SLC24A3: variants seen among roughly 807,000 people sequenced by gnomAD.
SLC24A3 encodes the protein solute carrier family 24 member 3.
A neutral mutation model predicts 75.8 loss-of-function variants in SLC24A3; 28 were observed. That is an observed-to-expected ratio of 0.37 (90% CI 0.27 to 0.51). SLC24A3 has a LOEUF of 0.51. Among genes scored for constraint, SLC24A3 ranks in the 20% least tolerant of loss-of-function variants. The pLI is 0.94. For synonymous variants in SLC24A3, 372 were observed against 334.1 expected, an observed-to-expected ratio of 1.11 and a Z score of -1.24; for missense variants, 663 against 847.8, an observed-to-expected ratio of 0.78 and a Z score of 2.71.
chr20:19,370,583 C>CCTTGTTT (rs1283376897), intron 2 of SLC24A3, among the ~76,000 whole-genome samples: 1 of 152,228 alleles, frequency 6.6e-6, no homozygotes, highest in African/African-American at 2.4e-5. Context: ...TGGCTCCCTG[C>CCTTGTTT]CTTGTTTTGA....
intron 2 of SLC24A3, among the ~76,000 whole-genome samples, chr20:19,514,687 G>A (rs763066027): frequency 1.3e-5 from 2 of 152,202 alleles, no homozygotes; most frequent in South Asian, 2.1e-4. Flanking sequence ...TTTATGAGAG[G>A]AAGGGACAGG....
At chr20:19,409,283 G>T (rs1034164991) in intron 2 of SLC24A3, among the ~76,000 whole-genome samples, 1 of 152,192 alleles carries the variant, frequency 6.6e-6, no homozygotes, top group African/African-American at 2.4e-5. Flanking sequence ...GGACCTCTGT[G>T]CATGGGCGAG....
intron 6 of SLC24A3, among the ~76,000 whole-genome samples, chr20:19,590,913 G>A (rs928377757): frequency 2.0e-5 from 3 of 152,186 alleles, no homozygotes; most frequent in Non-Finnish European, 4.4e-5. Context: ...ATGAGAGGCA[G>A]CCTCCAGCAG....
chr20:19,479,708 T>A (rs569016353), intron 2 of SLC24A3, among the ~76,000 whole-genome samples: 1 of 152,300 alleles, frequency 6.6e-6, no homozygotes, highest in East Asian at 1.9e-4. Context: ...GGCTGTGGGT[T>A]TTACCCTCCA....
At chr20:19,510,063 C>T (rs1375809889) in intron 2 of SLC24A3, among the ~76,000 whole-genome samples, 3 of 152,198 alleles carry the variant, frequency 2.0e-5, no homozygotes, top group South Asian at 2.1e-4. Context: ...ATAGCACGCA[C>T]GTAGGAGCTG....
At chr20:19,278,025 C>T (rs902205587) in intron 1 of SLC24A3, among the ~76,000 whole-genome samples, 5 of 151,900 alleles carry the variant, frequency 3.3e-5, no homozygotes, top group East Asian at 1.9e-4. Flanking sequence ...CCGTGGTGCT[C>T]GACCGATATT....
At chr20:19,651,855 C>T (rs1482538886) in intron 6 of SLC24A3, among the ~76,000 whole-genome samples, 1 of 113,122 alleles carries the variant, frequency 8.8e-6, no homozygotes, top group African/African-American at 3.5e-5. Flanking sequence ...AGAGAGACTC[C>T]ATCTCAAAAA....
intron 6 of SLC24A3, among the ~76,000 whole-genome samples, chr20:19,607,129 G>T (rs2031607560): frequency 6.6e-6 from 1 of 152,112 alleles, no homozygotes; most frequent in South Asian, 2.1e-4. Flanking sequence ...TCCTTCTCCT[G>T]CCCTGATCCC....
rs537888944 is a variant in SLC24A3 at position 19,585,202 on chromosome 20, T to C, written c.508+147T>C. The C allele has an allele frequency of 2.2e-5, 17 of 780,776 alleles. No homozygotes were observed. The African/African-American group carries it at 3.0e-4, about 14-fold the overall frequency. 48.4% of individuals were successfully genotyped at this position (780,776 alleles called of 1,614,324 possible). ...CAATGAGTAGAACATCAGCCTCCCA[T>C]CTGCCGTTGTTGTTTTATTTAAGTG... On this transcript the variant is annotated intron_variant, in intron 5 of 16. Coordinates refer to ENST00000328041, the MANE Select transcript of SLC24A3 (RefSeq NM_020689.4).
chr20:19,341,675 C>T (rs1985275935), intron 2 of SLC24A3, among the ~76,000 whole-genome samples: 1 of 152,220 alleles, frequency 6.6e-6, no homozygotes, highest in Non-Finnish European at 1.5e-5. Context: ...TGGCATTAAA[C>T]AGAGACTTGC....
At chr20:19,712,546 G>C (rs2122169031) in intron 15 of SLC24A3, among the ~76,000 whole-genome samples, 1 of 152,268 alleles carries the variant, frequency 6.6e-6, no homozygotes, top group African/African-American at 2.4e-5. Context: ...GGGCACAGGA[G>C]TGTGCTTAAG....
At chr20:19,425,664 A>C (rs1456205798) in intron 2 of SLC24A3, among the ~76,000 whole-genome samples, 1 of 152,170 alleles carries the variant, frequency 6.6e-6, no homozygotes, top group Non-Finnish European at 1.5e-5. Flanking sequence ...TTCATAATTA[A>C]GGGAGATTTT....
At chr20:19,500,819 G>T (rs1203346037) in intron 2 of SLC24A3, among the ~76,000 whole-genome samples, 2 of 152,186 alleles carry the variant, frequency 1.3e-5, no homozygotes, top group African/African-American at 2.4e-5. Flanking sequence ...GTCTGGGAAG[G>T]CTGGAGAGGA....
At chr20:19,401,757 G>T (rs969400047) in intron 2 of SLC24A3, among the ~76,000 whole-genome samples, 7 of 152,158 alleles carry the variant, frequency 4.6e-5, no homozygotes, top group Non-Finnish European at 1.0e-4. Context: ...GAGAAATAAT[G>T]CCCTTGTCCA....
In SLC24A3 at chr20:19,305,644, G is replaced by A. The variant is rs141135615; in HGVS notation, c.271+24557G>A. Reference sequence around the variant, plus strand: ...TCTTCAAAAAAGTCAACATTAACAAGCAATGGGGAAAGGACTCCTTACGCG... The same window carrying A: ...TCTTCAAAAAAGTCAACATTAACAAACAATGGGGAAAGGACTCCTTACGCG... On this transcript the variant is annotated intron_variant, in intron 2 of 16. Coordinates refer to ENST00000328041, the MANE Select transcript of SLC24A3 (RefSeq NM_020689.4). Among the ~76,000 whole-genome samples, 4 of 152,190 alleles carry A rather than the reference G, an allele frequency of 2.6e-5. No homozygotes were observed. In the East Asian group the frequency reaches 7.7e-4, roughly 29 times the overall value.
chr20:19,400,913 A>G (rs1329961643), intron 2 of SLC24A3, among the ~76,000 whole-genome samples: 3 of 152,138 alleles, frequency 2.0e-5, no homozygotes, highest in African/African-American at 7.2e-5. Flanking sequence ...TGTTTAATGT[A>G]GGAGGGTAAA....
chr20:19,267,276 G>A (rs1048056291), intron 1 of SLC24A3, among the ~76,000 whole-genome samples: 2 of 152,158 alleles, frequency 1.3e-5, no homozygotes, highest in Non-Finnish European at 2.9e-5. Flanking sequence ...TAAGTTTGAA[G>A]TTTAATGGCT....
At chr20:19,215,948 A>G (rs1981541376) in intron 1 of SLC24A3, among the ~76,000 whole-genome samples, 1 of 152,218 alleles carries the variant, frequency 6.6e-6, no homozygotes, top group African/African-American at 2.4e-5. Context: ...TGGAATCAAG[A>G]AATTCTAACA....
intron 2 of SLC24A3, among the ~76,000 whole-genome samples, chr20:19,470,060 T>C (rs1446661421): frequency 1.3e-5 from 2 of 152,182 alleles, no homozygotes; most frequent in African/African-American, 2.4e-5. Context: ...GTTTTAGGAC[T>C]GTGCACAAGT....
Sources: gnomAD v4.1 joint callset for allele counts (sites outside exome capture counted in the v4.1 genomes callset) on GRCh38, gnomAD v4.1.1 for gene constraint, MANE v1.5 for transcripts, NCBI Gene and HGNC (gene_info 2026-07-23, HGNC 2026-07-21) for gene names.